Variants in ME1 observed in about 807,000 individuals in gnomAD.
ME1 encodes the protein NADP-dependent malic enzyme.
A neutral mutation model predicts 66.4 loss-of-function variants in ME1; 74 were observed. The ratio of observed to expected loss-of-function variants is 1.11; its 90% CI spans 0.92 to 1.35. The LOEUF is 1.35. ME1 is among the 40% of genes most tolerant of loss of function. ME1 has a pLI of 0.00. For synonymous variants in ME1, 251 were observed against 235.6 expected (o/e 1.07, Z -0.60); for missense variants, 750 against 694.1 (o/e 1.08, Z -0.90).
chr6:83,417,221 T>C (rs201204797), intron 1 of ME1, among the ~76,000 whole-genome samples: 1 of 149,208 alleles, frequency 6.7e-6, no homozygotes, highest in African/African-American at 2.4e-5. Context: ...GGAAAAAAAA[T>C]TTTTTTTTGA....
intron 1 of ME1, among the ~76,000 whole-genome samples, chr6:83,414,773 T>G (rs999096581): frequency 1.3e-5 from 2 of 152,184 alleles, no homozygotes; most frequent in Admixed American, 1.3e-4. Flanking sequence ...AACACTAAAT[T>G]TTCCCAAATA....
At chr6:83,354,157 C>T (rs572466199) in intron 3 of ME1, among the ~76,000 whole-genome samples, 3 of 152,248 alleles carry the variant, frequency 2.0e-5, no homozygotes, top group Admixed American at 6.5e-5. Flanking sequence ...GAAAGTGTCT[C>T]GCTCTGTCAC....
At chr6:83,324,034 C>A (rs1483782011) in intron 5 of ME1, among the ~76,000 whole-genome samples, 1 of 152,054 alleles carries the variant, frequency 6.6e-6, no homozygotes, top group African/African-American at 2.4e-5. Flanking sequence ...TTAATAAACT[C>A]ACTCAAAACT....
intron 6 of ME1, among the ~76,000 whole-genome samples, chr6:83,287,939 G>A (rs1029899311): frequency 6.6e-6 from 1 of 152,018 alleles, no homozygotes; most frequent in Non-Finnish European, 1.5e-5. Flanking sequence ...TCTGTTGGCT[G>A]CATAAATGTC....
At chr6:83,361,944 C>T (rs115441842) in intron 3 of ME1, among the ~76,000 whole-genome samples, 1 of 152,190 alleles carries the variant, frequency 6.6e-6, no homozygotes, top group South Asian at 2.1e-4. Flanking sequence ...CCTGACTTCT[C>T]TTCCCCAGCC....
At chr6:83,252,502 T>C (rs1313915371) in intron 7 of ME1, among the ~76,000 whole-genome samples, 1 of 152,168 alleles carries the variant, frequency 6.6e-6, no homozygotes, top group African/African-American at 2.4e-5. Flanking sequence ...AGTTTTGCCA[T>C]GTTGCCCAGG....
At chr6:83,299,747 T>C (rs1040610740) in intron 6 of ME1, among the ~76,000 whole-genome samples, 1 of 152,336 alleles carries the variant, frequency 6.6e-6, no homozygotes, top group Admixed American at 6.5e-5. Context: ...CTGTCATAAA[T>C]GGCTCTTATT....
intron 6 of ME1, among the ~76,000 whole-genome samples, chr6:83,300,610 CTTTTTTTTTTTTTT>C (rs35205380): frequency 1.2e-5 from 1 of 84,990 alleles, no homozygotes; most frequent in Admixed American, 1.5e-4. Context: ...TTCTTTCTTT[CTTTTTTTTTTTTTT>C]TTTTTTTTTG....
At chr6:83,391,770 C>A (rs1376999758) in intron 3 of ME1, among the ~76,000 whole-genome samples, 1 of 152,140 alleles carries the variant, frequency 6.6e-6, no homozygotes, top group Non-Finnish European at 1.5e-5. Context: ...CATGTTCCCA[C>A]TGAGGGCCTT....
At chr6:83,288,337 C>T (rs1249352356) in intron 6 of ME1, among the ~76,000 whole-genome samples, 6 of 151,972 alleles carry the variant, frequency 3.9e-5, no homozygotes, top group East Asian at 3.9e-4. Context: ...TTGTATAAGG[C>T]GTAAGGAAGG....
intron 6 of ME1, among the ~76,000 whole-genome samples, chr6:83,260,727 C>G (rs1356640678): frequency 1.3e-5 from 2 of 152,162 alleles, no homozygotes; most frequent in African/African-American, 4.8e-5. Context: ...CATTAGTTTG[C>G]TAGGGATAAT....
At chr6:83,236,394 CT>C (rs1266668307) in intron 9 of ME1, among the ~76,000 whole-genome samples, 1 of 152,132 alleles carries the variant, frequency 6.6e-6, no homozygotes, top group Non-Finnish European at 1.5e-5. Flanking sequence ...CATAAAACAG[CT>C]TTCCAGAAAG....
intron 6 of ME1, among the ~76,000 whole-genome samples, chr6:83,313,161 C>A (rs540768020): frequency 6.6e-6 from 1 of 152,190 alleles, no homozygotes; most frequent in Admixed American, 6.5e-5. Flanking sequence ...TTAAAATAAT[C>A]TTGGGTTTAT....
intron 5 of ME1, among the ~76,000 whole-genome samples, chr6:83,328,015 A>G (rs1768334908): frequency 6.6e-6 from 1 of 152,234 alleles, no homozygotes; most frequent in Admixed American, 6.5e-5. Context: ...ACACATGCAC[A>G]CGTATGTTTA....
intron 1 of ME1, among the ~76,000 whole-genome samples, chr6:83,409,826 C>T (rs1330784567): frequency 6.6e-6 from 1 of 152,176 alleles, no homozygotes; most frequent in African/African-American, 2.4e-5. Context: ...TTTTCATTAG[C>T]AGCCATTCTC....
intron 2 of ME1, among the ~76,000 whole-genome samples, chr6:83,404,345 G>T (rs1769894601): frequency 6.6e-6 from 1 of 151,968 alleles, no homozygotes; most frequent in African/African-American, 2.4e-5. Flanking sequence ...ACTTTTTGAT[G>T]GAGTTGTTTT....
chr6:83,285,286 A>G (rs2128533823), intron 6 of ME1, among the ~76,000 whole-genome samples: 1 of 152,296 alleles, frequency 6.6e-6, no homozygotes, highest in East Asian at 1.9e-4. Flanking sequence ...CTTTAATTCT[A>G]CTAGACTGTC....
chr6:83,397,604 C>T (rs1316239302), intron 3 of ME1, among the ~76,000 whole-genome samples: 1 of 152,054 alleles, frequency 6.6e-6, no homozygotes, highest in Non-Finnish European at 1.5e-5. Flanking sequence ...ACCAAATGAT[C>T]TAGTAATAAC....
intron 5 of ME1, among the ~76,000 whole-genome samples, chr6:83,319,560 G>T (rs547753540): frequency 6.6e-6 from 1 of 152,100 alleles, no homozygotes; most frequent in East Asian, 1.9e-4. Flanking sequence ...TAATTCTCTG[G>T]GTCCCCAATT....
Sources: gnomAD v4.1 joint callset for allele counts (sites outside exome capture counted in the v4.1 genomes callset) on GRCh38, gnomAD v4.1.1 for gene constraint, MANE v1.5 for transcripts, NCBI Gene and HGNC (gene_info 2026-07-23, HGNC 2026-07-21) for gene names.